SCAPER: variants seen among roughly 807,000 people sequenced by gnomAD.
The protein encoded by SCAPER is S phase cyclin A-associated protein in the endoplasmic reticulum.
Under a neutral mutation model 182.2 loss-of-function variants are expected in SCAPER, and 98 were observed. The ratio of observed to expected loss-of-function variants is 0.54; its 90% CI spans 0.46 to 0.64. The LOEUF (loss-of-function observed/expected upper bound fraction) is 0.64, where lower values mean the gene tolerates loss of function less well. SCAPER is among the 30% of genes least tolerant of loss of function. The probability of loss-of-function intolerance (pLI) is 0.00; values close to 1 mark genes in which losing one functional copy is unlikely to be tolerated. For synonymous variants in SCAPER, 605 were observed against 564.6 expected (o/e 1.07, Z -1.01); for missense variants, 1,432 against 1,690.0 (o/e 0.85, Z 2.68).
chr15:76,602,780 T>C (rs578257814), intron 22 of SCAPER, among the ~76,000 whole-genome samples: 3 of 120,300 alleles, frequency 2.5e-5, no homozygotes, highest in East Asian at 2.2e-4. Flanking sequence ...CTTCTTTAAA[T>C]TGTTTTTCAA....
intron 23 of SCAPER, among the ~76,000 whole-genome samples, chr15:76,521,895 C>T (rs1318354157): frequency 2.6e-5 from 4 of 152,136 alleles, no homozygotes; most frequent in Admixed American, 6.6e-5. Context: ...GCAGTCTTAT[C>T]GCCCTGTGTC....
intron 26 of SCAPER, among the ~76,000 whole-genome samples, chr15:76,413,561 T>C (rs2045444199): frequency 6.6e-6 from 1 of 152,192 alleles, no homozygotes; most frequent in Non-Finnish European, 1.5e-5. Context: ...TCCAGAATGT[T>C]TGTATAGGGA....
rs189491996 is a variant in SCAPER at position 76,757,162 on chromosome 15, T to C, written c.1726-3214A>G. ...CCAGGAATAAACCCAATGTTTCCTA[T>C]GTTTTCAGGTATTTTGTTTTTTGTT... On this transcript the variant is annotated intron_variant, in intron 14 of 31. Coordinates refer to ENST00000563290, the MANE Select transcript of SCAPER (RefSeq NM_020843.4). Among the ~76,000 whole-genome samples the C allele has an allele frequency of 2.0e-5, 3 of 152,320 alleles. No homozygotes were observed. The East Asian group carries it at 5.8e-4, about 29-fold the overall frequency.
intron 18 of SCAPER, 58 bp from the exon 19 acceptor site, chr15:76,703,060 T>C (rs1726250406): frequency 2.0e-6 from 3 of 1,492,960 alleles, no homozygotes; most frequent in African/African-American, 1.4e-5. Context: ...TGGTGAGAAA[T>C]TGGAAAAATA....
chr15:76,770,630 A>C (rs1163025856), intron 10 of SCAPER, among the ~76,000 whole-genome samples: 1 of 152,192 alleles, frequency 6.6e-6, no homozygotes, highest in Non-Finnish European at 1.5e-5. Context: ...AAATAAAAAT[A>C]ATGAGGTCAG....
chr15:76,526,244 C>G (rs1456189480), intron 23 of SCAPER, among the ~76,000 whole-genome samples: 1 of 151,954 alleles, frequency 6.6e-6, no homozygotes, highest in Admixed American at 6.6e-5. Flanking sequence ...TGTCTTCATT[C>G]TTGAGTGTTT....
intron 14 of SCAPER, 65 bp from the exon 15 acceptor site, chr15:76,754,013 C>G (rs2062256104): frequency 1.3e-6 from 2 of 1,516,986 alleles, no homozygotes; most frequent in South Asian, 2.4e-5. Context: ...GAAGTACAAA[C>G]AAGTAAATGG....
chr15:76,840,024 A>T (rs1303459276), intron 5 of SCAPER, among the ~76,000 whole-genome samples: 2 of 152,218 alleles, frequency 1.3e-5, no homozygotes, highest in African/African-American at 2.4e-5. Context: ...CTCAGTTTAC[A>T]AAGCATAACA....
intron 2 of SCAPER, among the ~76,000 whole-genome samples, chr15:76,873,889 TTTC>T (rs996443161): frequency 2.6e-5 from 4 of 152,046 alleles, no homozygotes; most frequent in East Asian, 1.9e-4. Context: ...ATACATTTCT[TTTC>T]TTCTTCTTTT....
chr15:76,531,787 A>T lies in SCAPER; in HGVS notation c.2839-26813T>A, dbSNP rs114209481. On this transcript the variant is annotated intron_variant, in intron 23 of 31. Coordinates refer to ENST00000563290, the MANE Select transcript of SCAPER (RefSeq NM_020843.4). ...GAGTAAAGGTGGCCTTGAGCATCCTATGGAGAGTTAGTGGTCTACTGACCA... is the reference window on the plus strand; with the variant it reads ...GAGTAAAGGTGGCCTTGAGCATCCTTTGGAGAGTTAGTGGTCTACTGACCA... 5.9e-3 allele frequency among the ~76,000 whole-genome samples: 901 copies of T among 152,258 alleles called. 4 individuals carry two copies. The highest frequency in any genetic ancestry group is 0.021 in the African/African-American group (868 of 41,564).
chr15:76,784,473 CAG>C (rs1374294242), intron 8 of SCAPER, among the ~76,000 whole-genome samples: 4 of 152,132 alleles, frequency 2.6e-5, no homozygotes, highest in African/African-American at 9.7e-5. Flanking sequence ...AGGTAATTTA[CAG>C]ACTCAATGCC....
At chr15:76,797,930 CAA>C (rs57473563) in intron 7 of SCAPER, among the ~76,000 whole-genome samples, 1 of 144,254 alleles carries the variant, frequency 6.9e-6, no homozygotes. Context: ...ACTTTTCAAC[CAA>C]AAAAAAAAAA....
At chr15:76,386,059 G>A (rs2141980273) in intron 27 of SCAPER, among the ~76,000 whole-genome samples, 1 of 152,300 alleles carries the variant, frequency 6.6e-6, no homozygotes, top group East Asian at 1.9e-4. Context: ...GAATATGCCT[G>A]AATTCCTTGG....
At chr15:76,497,086 C>T (rs1182670347) in intron 24 of SCAPER, among the ~76,000 whole-genome samples, 2 of 130,344 alleles carry the variant, frequency 1.5e-5, no homozygotes, top group Non-Finnish European at 3.2e-5. Context: ...CCCTTCTGTC[C>T]CATGAAGCAG....
In SCAPER at chr15:76,728,720, T is replaced by C. The variant is rs1358242227; in HGVS notation, c.2040A>G (p.Leu680=). The C allele has an allele frequency of 6.2e-7, 1 of 1,613,128 alleles. No individual in the cohort carries two copies. Among genetic ancestry groups the C allele is most frequent in the Non-Finnish European group, 8.5e-7 (1 of 1,179,516 alleles). ...CTACACGGGCCTGCCGCTCTGCCTC[T>C]AGAGCTCTCTTGCGTTCCTAATGTT... ...DEAVQERKRA[L]EAERQARVEE... is the part of the protein sequence containing the mutation. Residue 680 remains leucine (L), a synonymous_variant, in exon 17 of 32, where the codon CTA becomes CTG. Coordinates refer to ENST00000563290, the MANE Select transcript of SCAPER (RefSeq NM_020843.4).
At chr15:76,742,938 C>T (rs1276300843) in intron 15 of SCAPER, among the ~76,000 whole-genome samples, 1 of 151,962 alleles carries the variant, frequency 6.6e-6, no homozygotes, top group Non-Finnish European at 1.5e-5. Flanking sequence ...ATAAGTAGAA[C>T]ATTTCTTCTA....
At chr15:76,526,227 T>G (rs2043183677) in intron 23 of SCAPER, among the ~76,000 whole-genome samples, 1 of 152,222 alleles carries the variant, frequency 6.6e-6, no homozygotes, top group African/African-American at 2.4e-5. Context: ...TGAAAATAGC[T>G]TCATTTTGTC....
intron 5 of SCAPER, among the ~76,000 whole-genome samples, chr15:76,808,156 A>G (rs536845074): frequency 6.6e-6 from 1 of 152,166 alleles, no homozygotes; most frequent in Admixed American, 6.5e-5. Flanking sequence ...CAAAACTACT[A>G]GCCCCCAGTT....
At chr15:76,454,926 A>T (rs946295217) in intron 25 of SCAPER, among the ~76,000 whole-genome samples, 8 of 151,716 alleles carry the variant, frequency 5.3e-5, no homozygotes, top group African/African-American at 1.9e-4. Context: ...TTTCTTCTTG[A>T]GTTAGTCTGG....
Sources: gnomAD v4.1 joint callset for allele counts (sites outside exome capture counted in the v4.1 genomes callset) on GRCh38, gnomAD v4.1.1 for gene constraint, MANE v1.5 for transcripts, NCBI Gene and HGNC (gene_info 2026-07-23, HGNC 2026-07-21) for gene names.